The following C16orf78 variants were observed in gnomAD, a reference collection of about 807,000 sequenced individuals.
C16orf78 encodes the protein chromosome 16 open reading frame 78, also known as uncharacterized protein C16orf78.
In C16orf78, 19 loss-of-function variants were observed where a neutral mutation model predicts 27.3. The ratio of observed to expected loss-of-function variants is 0.70; its 90% confidence interval spans 0.49 to 1.02. The LOEUF (loss-of-function observed/expected upper bound fraction) is 1.02, where lower values mean the gene tolerates loss of function less well. Among genes scored for constraint, C16orf78 ranks in the 50% least tolerant of loss-of-function variants. The probability of loss-of-function intolerance (pLI) is 0.00; values close to 1 mark genes in which losing one functional copy is unlikely to be tolerated. For missense variants in C16orf78, 339 were observed against 337.0 expected, an observed-to-expected ratio of 1.01 and a Z score of -0.05; for synonymous variants, 130 against 116.1, an observed-to-expected ratio of 1.12 and a Z score of -0.77.
intron 1 of C16orf78, among the ~76,000 whole-genome samples, chr16:49,376,981 G>A (rs1297966439): frequency 1.3e-5 from 2 of 151,886 alleles, no homozygotes; most frequent in African/African-American, 2.4e-5. Flanking sequence ...TGATGCTCTG[G>A]CACCCACCCC....
chr16:49,396,640 C>A lies in C16orf78; in HGVS notation c.612C>A (p.Thr204=). The change falls in exon 4 of 5, where the codon ACC becomes ACA. Residue 204 remains threonine, a synonymous_variant. Coordinates refer to ENST00000299191, the MANE Select transcript of C16orf78 (RefSeq NM_144602.4). ...MEKSTEPKME[T]MRMLKPEEVL... ...AAAGCACCGAACCTAAGATGGAAAC[C>A]ATGAGGATGTTGAAGCCAGAGGAGG... The A allele has an allele frequency of 6.2e-7, 1 of 1,612,326 alleles. No individual in the cohort carries two copies. The highest frequency in any genetic ancestry group is 8.5e-7 in the Non-Finnish European group (1 of 1,180,024).
intron 3 of C16orf78, among the ~76,000 whole-genome samples, chr16:49,391,622 A>G (rs962668877): frequency 3.9e-5 from 6 of 152,160 alleles, no homozygotes; most frequent in Admixed American, 3.9e-4. Flanking sequence ...TCCTTTGTCA[A>G]ATGGATATGA....
chr16:49,377,790 A>G lies in C16orf78; in HGVS notation c.210A>G (p.Lys70=), dbSNP rs772102422. 6.3e-7 allele frequency: 1 copy of G among 1,597,450 alleles called. No individual in the cohort carries two copies. Among genetic ancestry groups the G allele is most frequent in the Non-Finnish European group, 8.5e-7 (1 of 1,171,630 alleles). ...LKRNKKKEEK[K]GKGLMTARGG... is the part of the protein sequence containing the mutation. ...GAAATAAGAAGAAGGAAGAGAAGAA[A>G]GGCAAAGGCCTCATGACAGCACGGG... is the stretch of plus-strand genomic sequence containing the variant. Residue 70 remains lysine (K), a synonymous_variant, in exon 2 of 5, where the codon AAA becomes AAG. Coordinates refer to ENST00000299191, the MANE Select transcript of C16orf78 (RefSeq NM_144602.4).
rs767222710 is a variant in C16orf78, at chr16:49,396,456, C to G, written c.428C>G (p.Ser143Cys). ...TDIKDAVDPE[S>C]TQRPNPFRRQ... ...ATCAAGGATGCAGTCGACCCAGAGT[C>G]CACTCAGCGGCCAAACCCATTCCGT... The change falls in exon 4 of 5, where the codon TCC becomes TGC. Residue 143 changes from serine to cysteine, a missense_variant. Coordinates refer to ENST00000299191, the MANE Select transcript of C16orf78 (RefSeq NM_144602.4). 1.2e-6 allele frequency: 2 copies of G among 1,614,186 alleles called. No homozygotes were observed. Among genetic ancestry groups the G allele is most frequent in the South Asian group, 2.2e-5 (2 of 91,084 alleles).
chr16:49,385,491 G>T (rs996388173), intron 3 of C16orf78, among the ~76,000 whole-genome samples: 1 of 150,884 alleles, frequency 6.6e-6, no homozygotes, highest in African/African-American at 2.5e-5. Context: ...GTGAAACCTC[G>T]TCTCTACTAA....
intron 3 of C16orf78, among the ~76,000 whole-genome samples, chr16:49,394,050 C>A (rs989641797): frequency 6.6e-6 from 1 of 152,032 alleles, no homozygotes; most frequent in Admixed American, 6.6e-5. Flanking sequence ...AGGGCAATTT[C>A]TGCAGTGAAG....
At chr16:49,381,845 A>G (rs1012345888) in intron 3 of C16orf78, among the ~76,000 whole-genome samples, 6 of 152,304 alleles carry the variant, frequency 3.9e-5, no homozygotes, top group African/African-American at 1.4e-4. Context: ...CCATTGTGGA[A>G]GTCAGTGTGG....
chr16:49,392,086 A>C (rs866074445), intron 3 of C16orf78, among the ~76,000 whole-genome samples: 1 of 152,248 alleles, frequency 6.6e-6, no homozygotes, highest in African/African-American at 2.4e-5. Context: ...CAGGAGGTCT[A>C]GACGCATTTC....
chr16:49,382,935 C>A (rs919546503), intron 3 of C16orf78, among the ~76,000 whole-genome samples: 12 of 152,234 alleles, frequency 7.9e-5, no homozygotes, highest in Admixed American at 7.8e-4. Flanking sequence ...ACAATTCACT[C>A]CCTAAAAGAA....
intron 3 of C16orf78, among the ~76,000 whole-genome samples, chr16:49,380,568 A>C (rs976425431): frequency 1.2e-4 from 19 of 152,120 alleles, no homozygotes; most frequent in African/African-American, 4.1e-4. Flanking sequence ...ACACGAAGTC[A>C]TTGTGTGTAA....
intron 2 of C16orf78, 42 bp from the exon 3 acceptor site, chr16:49,378,428 G>C: frequency 6.5e-7 from 1 of 1,543,960 alleles, no homozygotes; most frequent in Non-Finnish European, 8.7e-7. Flanking sequence ...GGCGAGCCAG[G>C]TCCTGTAACT....
chr16:49,378,698 T>A (rs1449597669), intron 3 of C16orf78, 105 bp downstream of exon 3: 1 of 1,499,822 alleles, frequency 6.7e-7, no homozygotes, highest in Non-Finnish European at 9.0e-7. Flanking sequence ...AGCGTCCACG[T>A]CAATCCAACC....
rs1965189203 is a variant in C16orf78, at chr16:49,374,241, G to C, written c.150+152G>C. The C allele has an allele frequency of 3.3e-6, 3 of 908,442 alleles. No homozygotes were observed. In the East Asian group the frequency reaches 8.1e-5, roughly 24 times the overall value. The allele number at this position is 908,442 out of a possible 1,614,324, so 56.3% of individuals were successfully genotyped here. On this transcript the variant is annotated intron_variant, in intron 1 of 4. Coordinates refer to ENST00000299191, the MANE Select transcript of C16orf78 (RefSeq NM_144602.4). Reference sequence around the variant, plus strand: ...TGAGAACTACCCAAGGACATTAAGGGGGTGGGGGAATTAGTTAATATGATT... The same window carrying C: ...TGAGAACTACCCAAGGACATTAAGGCGGTGGGGGAATTAGTTAATATGATT...
intron 3 of C16orf78, among the ~76,000 whole-genome samples, chr16:49,389,563 T>C (rs956101810): frequency 1.3e-5 from 2 of 152,164 alleles, no homozygotes; most frequent in Non-Finnish European, 1.5e-5. Context: ...ACCACCGCAC[T>C]CCAGCCTGGG....
intron 1 of C16orf78, among the ~76,000 whole-genome samples, chr16:49,375,713 C>A (rs1200111196): frequency 6.6e-6 from 1 of 152,112 alleles, no homozygotes; most frequent in Admixed American, 6.6e-5. Flanking sequence ...ATCTCGAGTG[C>A]CAATTCCATC....
chr16:49,395,005 T>C lies in C16orf78; in HGVS notation c.395-1418T>C, dbSNP rs186780576. On this transcript the variant is annotated intron_variant, in intron 3 of 4. Transcript: ENST00000299191. ...ACCTCAACCTCCCAAGTAGCTAGGATGACAGGCATGTGCCACCAGACCCCT... is the reference window on the plus strand; with the variant it reads ...ACCTCAACCTCCCAAGTAGCTAGGACGACAGGCATGTGCCACCAGACCCCT... 3.4e-4 allele frequency among the ~76,000 whole-genome samples: 51 copies of C among 152,236 alleles called. 1 individual carries two copies. Among genetic ancestry groups the C allele is most frequent in the South Asian group, 4.1e-4 (2 of 4,820 alleles).
chr16:49,398,270 A>G (rs966536914), intron 4 of C16orf78, among the ~76,000 whole-genome samples: 3 of 152,178 alleles, frequency 2.0e-5, no homozygotes, highest in East Asian at 1.9e-4. Flanking sequence ...CTCCTCTCCC[A>G]TAGTCTGTGG....
intron 3 of C16orf78, among the ~76,000 whole-genome samples, chr16:49,383,334 C>A (rs1965309880): frequency 6.6e-6 from 1 of 152,196 alleles, no homozygotes; most frequent in African/African-American, 2.4e-5. Context: ...AACAAAGCAG[C>A]ACCTATGAAG....
intron 2 of C16orf78, 46 bp downstream of exon 2, chr16:49,377,896 A>G: frequency 1.3e-6 from 2 of 1,546,552 alleles, no homozygotes; most frequent in Non-Finnish European, 1.7e-6. Context: ...GGGTCTCCAA[A>G]TGGAGGAGGG....
Sources: allele counts gnomAD v4.1 joint callset (sites outside exome capture counted in the v4.1 genomes callset), GRCh38; gene constraint gnomAD v4.1.1; transcripts MANE v1.5; gene names NCBI Gene and HGNC (gene_info 2026-07-23, HGNC 2026-07-21).